LRRC4C: variants seen among roughly 807,000 people sequenced by gnomAD.
The protein encoded by LRRC4C is leucine-rich repeat-containing protein 4C.
Under a neutral mutation model 33.6 loss-of-function variants are expected in LRRC4C, and 5 were observed. The ratio of observed to expected loss-of-function variants is 0.15; its 90% confidence interval spans 0.08 to 0.31. The LOEUF is 0.31. Ranked by LOEUF, LRRC4C falls within the 10% of genes least tolerant of loss-of-function variation. LRRC4C has a pLI of 1.00. For synonymous variants in LRRC4C, 329 were observed against 302.0 expected (o/e 1.09, Z -0.93); for missense variants, 560 against 796.7 (o/e 0.70, Z 3.58).
chr11:40,389,832 G>A (rs535932295), intron 3 of LRRC4C, among the ~76,000 whole-genome samples: 39 of 152,290 alleles, frequency 2.6e-4, no homozygotes, highest in Non-Finnish European at 3.8e-4. Context: ...ATACAATTAG[G>A]AGGAAGATAA....
chr11:40,946,214 T>C (rs765941108), intron 1 of LRRC4C, among the ~76,000 whole-genome samples: 2 of 152,196 alleles, frequency 1.3e-5, no homozygotes, highest in Non-Finnish European at 2.9e-5. Context: ...TGTGTTAATT[T>C]GCTTGGAATA....
intron 3 of LRRC4C, among the ~76,000 whole-genome samples, chr11:40,587,428 C>T (rs997497645): frequency 1.3e-5 from 2 of 148,630 alleles, no homozygotes; most frequent in African/African-American, 5.0e-5. Flanking sequence ...CAAACAGGGA[C>T]AATTTCACTT....
intron 1 of LRRC4C, among the ~76,000 whole-genome samples, chr11:41,121,514 C>T (rs553426404): frequency 5.9e-5 from 9 of 152,242 alleles, no homozygotes; most frequent in African/African-American, 1.9e-4. Context: ...ATGTACTAGG[C>T]AGCAGTATTT....
At chr11:40,515,807 T>C (rs1308116410) in intron 3 of LRRC4C, among the ~76,000 whole-genome samples, 2 of 152,128 alleles carry the variant, frequency 1.3e-5, no homozygotes, top group East Asian at 3.8e-4. Context: ...TTAGTCCTCA[T>C]GAAGTACTGT....
At chr11:40,643,147 C>G (rs1942225198) in intron 3 of LRRC4C, among the ~76,000 whole-genome samples, 1 of 152,062 alleles carries the variant, frequency 6.6e-6, no homozygotes, top group Non-Finnish European at 1.5e-5. Context: ...CTGAAGAGAT[C>G]AGAAACCCAG....
At chr11:41,448,073 G>T (rs1030218086) in intron 1 of LRRC4C, among the ~76,000 whole-genome samples, 3 of 137,324 alleles carry the variant, frequency 2.2e-5, no homozygotes, top group African/African-American at 5.4e-5. Context: ...ATTTAGTAAG[G>T]TTCTACTGTA....
chr11:41,167,990 C>T (rs1281765041), intron 1 of LRRC4C, among the ~76,000 whole-genome samples: 1 of 152,118 alleles, frequency 6.6e-6, no homozygotes, highest in African/African-American at 2.4e-5. Context: ...GACAGTGGCC[C>T]AGACAGACAT....
intron 2 of LRRC4C, among the ~76,000 whole-genome samples, chr11:40,891,696 C>T (rs373644465): frequency 6.6e-5 from 10 of 152,070 alleles, no homozygotes; most frequent in African/African-American, 1.9e-4. Flanking sequence ...ATCAAAATCA[C>T]GAGATACTAT....
chr11:40,878,141 G>C (rs1436134167), intron 2 of LRRC4C, among the ~76,000 whole-genome samples: 1 of 152,010 alleles, frequency 6.6e-6, no homozygotes, highest in Admixed American at 6.6e-5. Context: ...GTCACGGATG[G>C]AAGTGGTAGA....
rs145900162 is a variant in LRRC4C, at chr11:40,213,776, T to C, written c.-96+27743A>G. On this transcript the variant is annotated intron_variant, in intron 5 of 6. Transcript: ENST00000528697. The stretch of plus-strand genomic sequence containing the variant: ...GACAGAATGAGGTTGGAGCATTGGA[T>C]ACATTAAGAATGAGTTTCCTTTCTT... Among the ~76,000 whole-genome samples, 57 of 152,304 alleles carry C rather than the reference T, an allele frequency of 3.7e-4. No individual in the cohort carries two copies. In the East Asian group the frequency reaches 0.01, roughly 28 times the overall value.
chr11:40,658,609 G>A (rs540727079), intron 2 of LRRC4C, among the ~76,000 whole-genome samples: 17 of 152,156 alleles, frequency 1.1e-4, no homozygotes, highest in Non-Finnish European at 2.4e-4. Flanking sequence ...GTGGAAGAGT[G>A]CAGGGTGAAG....
At chr11:40,694,683 A>G (rs1406827092) in intron 2 of LRRC4C, among the ~76,000 whole-genome samples, 2 of 152,194 alleles carry the variant, frequency 1.3e-5, no homozygotes, top group Non-Finnish European at 2.9e-5. Context: ...TAATGTGGAC[A>G]GTCTGTTTTA....
intron 3 of LRRC4C, among the ~76,000 whole-genome samples, chr11:40,354,114 A>G (rs1284030952): frequency 6.6e-6 from 1 of 152,200 alleles, no homozygotes; most frequent in African/African-American, 2.4e-5. Context: ...TGCAGACTCA[A>G]GGAGCTACCA....
chr11:40,284,060 T>C (rs1380174994), intron 4 of LRRC4C, among the ~76,000 whole-genome samples: 1 of 152,116 alleles, frequency 6.6e-6, no homozygotes, highest in African/African-American at 2.4e-5. Context: ...CAAATACATA[T>C]AACAATAGTA....
At chr11:40,382,471 T>C (rs1948920666) in intron 3 of LRRC4C, among the ~76,000 whole-genome samples, 2 of 151,710 alleles carry the variant, frequency 1.3e-5, no homozygotes, top group Non-Finnish European at 2.9e-5. Context: ...ATCAATATGA[T>C]CTACATCATA....
chr11:40,880,652 T>C (rs1334685977), intron 2 of LRRC4C, among the ~76,000 whole-genome samples: 2 of 151,776 alleles, frequency 1.3e-5, no homozygotes, highest in Admixed American at 6.6e-5. Flanking sequence ...ATATCTTTAC[T>C]AATGCATCAA....
At chr11:41,127,249 A>G (rs1261443864) in intron 1 of LRRC4C, among the ~76,000 whole-genome samples, 2 of 145,440 alleles carry the variant, frequency 1.4e-5, no homozygotes, top group African/African-American at 2.5e-5. Context: ...TGAGAAAAAG[A>G]CTAGAGTTTT....
At chr11:40,635,972 A>G (rs1209571720) in intron 3 of LRRC4C, among the ~76,000 whole-genome samples, 1 of 151,982 alleles carries the variant, frequency 6.6e-6, no homozygotes, top group African/African-American at 2.4e-5. Context: ...AGAAATAGGG[A>G]AAAAAACAAT....
chr11:40,456,265 T>C (rs1038887698), intron 3 of LRRC4C, among the ~76,000 whole-genome samples: 3 of 152,160 alleles, frequency 2.0e-5, no homozygotes, highest in Non-Finnish European at 4.4e-5. Flanking sequence ...TTAATTCAAA[T>C]TAAATTTATC....
Sources: gnomAD v4.1 joint callset for allele counts (sites outside exome capture counted in the v4.1 genomes callset) on GRCh38, gnomAD v4.1.1 for gene constraint, MANE v1.5 for transcripts, NCBI Gene and HGNC (gene_info 2026-07-23, HGNC 2026-07-21) for gene names.